Variants in TMCO6 observed in about 807,000 individuals in gnomAD.
TMCO6 encodes transmembrane and coiled-coil domains 6.
In TMCO6, 47 loss-of-function variants were observed where a neutral mutation model predicts 61.8. That is an observed-to-expected ratio of 0.76 (90% CI 0.60 to 0.97). The LOEUF is 0.97. Among genes scored for constraint, TMCO6 ranks in the 50% least tolerant of loss-of-function variants. The pLI, the probability that TMCO6 is intolerant of heterozygous loss-of-function variation, is 0.00. For synonymous variants in TMCO6, 261 were observed against 254.2 expected (o/e 1.03, Z -0.25); for missense variants, 557 against 601.6 (o/e 0.93, Z 0.78).
the TMCO6 span, among the ~76,000 whole-genome samples, chr5:140,618,250 C>T: frequency 2.0e-5 from 3 of 151,852 alleles, no homozygotes; most frequent in Non-Finnish European, 4.4e-5. Flanking sequence ...ACCAACATGG[C>T]GAAACCCCAT....
chr5:140,611,427 A>C, the TMCO6 span, among the ~76,000 whole-genome samples: 1 of 152,204 alleles, frequency 6.6e-6, no homozygotes, highest in African/African-American at 2.4e-5. Flanking sequence ...GTGGTTACCC[A>C]GGAGATTTTC....
the TMCO6 span, among the ~76,000 whole-genome samples, chr5:140,599,029 C>T: frequency 1.3e-5 from 2 of 152,214 alleles, no homozygotes; most frequent in Admixed American, 1.3e-4. Context: ...TCAATGTAAT[C>T]TATCTACCAG....
At chr5:140,644,070 C>T (rs770473100) in intron 9 of TMCO6, 30 bp from the exon 10 acceptor site, 3 of 1,612,358 alleles carry the variant, frequency 1.9e-6, no homozygotes, top group Non-Finnish European at 2.5e-6. Context: ...TGGGGGAAAG[C>T]AGTTTTTCAC....
the TMCO6 span, among the ~76,000 whole-genome samples, chr5:140,605,679 CAAAA>C: frequency 1.5e-5 from 2 of 136,894 alleles, no homozygotes; most frequent in African/African-American, 5.6e-5. Flanking sequence ...GACTCTGTCT[CAAAA>C]AAAAACAAAA....
the TMCO6 span, among the ~76,000 whole-genome samples, chr5:140,598,445 T>C: frequency 6.6e-6 from 1 of 152,228 alleles, no homozygotes; most frequent in East Asian, 1.9e-4. Flanking sequence ...AGGATGACAA[T>C]GCAACGTGGT....
the TMCO6 span, among the ~76,000 whole-genome samples, chr5:140,610,550 CA>C: frequency 6.6e-6 from 1 of 152,194 alleles, no homozygotes; most frequent in Non-Finnish European, 1.5e-5. Flanking sequence ...AGTGTATTGA[CA>C]TACAATAGAT....
the TMCO6 span, among the ~76,000 whole-genome samples, chr5:140,599,795 G>T: frequency 6.6e-6 from 1 of 152,162 alleles, no homozygotes; most frequent in African/African-American, 2.4e-5. Context: ...CAGCTAGTCG[G>T]GAGGCTGAGG....
chr5:140,616,048 C>T, the TMCO6 span, among the ~76,000 whole-genome samples: 1 of 152,082 alleles, frequency 6.6e-6, no homozygotes, highest in Admixed American at 6.5e-5. Context: ...AGGAGAATCA[C>T]TTGAACCCAG....
the TMCO6 span, among the ~76,000 whole-genome samples, chr5:140,626,850 C>A: frequency 6.6e-6 from 1 of 152,160 alleles, no homozygotes; most frequent in Admixed American, 6.5e-5. Context: ...AAGTGCCCAG[C>A]CTATATTTTA....
chr5:140,646,185 A>G (rs1477813576), downstream of TMCO6, among the ~76,000 whole-genome samples: 1 of 151,762 alleles, frequency 6.6e-6, no homozygotes, highest in Non-Finnish European at 1.5e-5. Flanking sequence ...TAATTTTTGT[A>G]TGTTTAGTAG....
upstream of TMCO6, among the ~76,000 whole-genome samples, chr5:140,637,233 T>C (rs1352930901): frequency 6.6e-6 from 1 of 152,040 alleles, no homozygotes; most frequent in Non-Finnish European, 1.5e-5. Flanking sequence ...ATTGGAGAGG[T>C]ATGCAGGGGT....
chr5:140,637,330 T>A (rs935740267), upstream of TMCO6, among the ~76,000 whole-genome samples: 8 of 152,360 alleles, frequency 5.3e-5, no homozygotes, highest in African/African-American at 1.7e-4. Context: ...CCTCAGTGCC[T>A]AGTAGACTAG....
the TMCO6 span, among the ~76,000 whole-genome samples, chr5:140,613,136 A>G: frequency 6.6e-6 from 1 of 152,178 alleles, no homozygotes; most frequent in African/African-American, 2.4e-5. Flanking sequence ...CATGCCTGTA[A>G]TCCCAGCACT....
chr5:140,613,487 C>T, the TMCO6 span, among the ~76,000 whole-genome samples: 1 of 151,260 alleles, frequency 6.6e-6, no homozygotes, highest in East Asian at 1.9e-4. Context: ...GCCACACCTA[C>T]CCATCAGCAT....
At chr5:140,638,374 G>A (rs1210553001), upstream of TMCO6, among the ~76,000 whole-genome samples, 1 of 152,058 alleles carries the variant, frequency 6.6e-6, no homozygotes, top group African/African-American at 2.4e-5. Context: ...ATGTGAGCTG[G>A]TACTGATAAC....
chr5:140,645,078 C>T lies in TMCO6; in HGVS notation c.1462C>T (p.Gln488Ter). ...QLQDRVYALQ[Q>*]TALQG ...CCAGGATCGTGTGTATGCTCTCCAG[C>T]AGACAGCTCTTCAAGGGTGATCTTG... Residue 488 changes from glutamine to a stop codon, truncating the protein, a stop_gained, in exon 12 of 12, where the codon CAG becomes TAG. Transcript: ENST00000394671. LOFTEE classifies it high-confidence loss of function. The T allele has an allele frequency of 6.2e-7, 1 of 1,614,186 alleles. No homozygotes were observed. The highest frequency in any genetic ancestry group is 8.5e-7 in the Non-Finnish European group (1 of 1,180,026).
rs762486886 is a variant in TMCO6, at chr5:140,641,887, G to A, written c.332G>A (p.Arg111Gln). ...QTFIRLEGSM[R>Q]TLVGLLTSNQ... ...TCACATAGGCTGGAGGGCAGCATGC[G>A]GACCCTGGTCGGGCTCCTGACCAGC... Residue 111 changes from arginine to glutamine, a missense_variant, in exon 4 of 12, where the codon CGG (arginine) becomes CAG (glutamine). Transcript: ENST00000394671. 2.2e-5 allele frequency: 35 copies of A among 1,612,920 alleles called. No individual in the cohort carries two copies. The highest frequency in any genetic ancestry group is 3.3e-5 in the Admixed American group (2 of 59,982).
rs569736667 is a variant in TMCO6, at chr5:140,639,726, C to T, written c.86-13C>T. On this transcript the variant is annotated splice_polypyrimidine_tract_variant and intron_variant, in intron 1 of 11. Transcript: ENST00000394671. ...TCGTCCTTCCCACGCTCAGCCGGCT[C>T]CTCTGCCCCCAGCACTGCGGAAGGC... The T allele has an allele frequency of 7.0e-6, 11 of 1,580,594 alleles. No homozygotes were observed. Among genetic ancestry groups the T allele is most frequent in the East Asian group, 2.3e-5 (1 of 43,562 alleles).
intron 11 of TMCO6, 101 bp from the exon 12 acceptor site, chr5:140,644,884 T>C (rs893007379): frequency 4.0e-6 from 6 of 1,499,140 alleles, no homozygotes; most frequent in East Asian, 2.3e-5. Context: ...ATCCTCTTGT[T>C]GGGGAATGCA....
Sources: gnomAD v4.1 joint callset for allele counts (sites outside exome capture counted in the v4.1 genomes callset) on GRCh38, gnomAD v4.1.1 for gene constraint, MANE v1.5 for transcripts, NCBI Gene and HGNC (gene_info 2026-07-23, HGNC 2026-07-21) for gene names.